The following RASA2 variants were observed in gnomAD, a reference collection of about 807,000 sequenced individuals.
The protein encoded by RASA2 is RAS p21 protein activator 2, also known as ras GTPase-activating protein 2.
A neutral mutation model predicts 118.2 loss-of-function variants in RASA2; 155 were observed. The ratio of observed to expected loss-of-function variants is 1.31; its 90% confidence interval spans 1.15 to 1.50. RASA2 has a LOEUF of 1.50. Ranked by LOEUF, RASA2 falls within the 40% of genes most tolerant of loss-of-function variation. The probability of loss-of-function intolerance (pLI) is 0.00; values close to 1 mark genes in which losing one functional copy is unlikely to be tolerated. For synonymous variants in RASA2, 353 were observed against 349.1 expected (o/e 1.01, Z -0.12); for missense variants, 1,016 against 1,009.6 (o/e 1.01, Z -0.09).
In RASA2 at chr3:141,499,577, A is replaced by G. The variant is rs373001030; in HGVS notation, c.133+12361A>G. Among the ~76,000 whole-genome samples, 4 of 152,278 alleles carry G rather than the reference A, an allele frequency of 2.6e-5. No individual in the cohort carries two copies. In the East Asian group the frequency reaches 7.7e-4, roughly 29 times the overall value. ...TAGTGCCTTGTTCTTAGGCAGAACC[A>G]GATTTCTGGTAGGAGTTATTTAATG... is the stretch of plus-strand genomic sequence containing the variant. On this transcript the variant is annotated intron_variant, in intron 1 of 23. Transcript: ENST00000286364.
intron 9 of RASA2, among the ~76,000 whole-genome samples, chr3:141,567,487 G>T (rs913402748): frequency 1.3e-5 from 2 of 152,056 alleles, no homozygotes; most frequent in East Asian, 3.9e-4. Flanking sequence ...TTCTCAAACA[G>T]TATAGGGGAA....
chr3:141,494,416 T>G (rs2081674988), intron 1 of RASA2, among the ~76,000 whole-genome samples: 1 of 152,252 alleles, frequency 6.6e-6, no homozygotes, highest in African/African-American at 2.4e-5. Flanking sequence ...TGAGGATTGC[T>G]CTGTCACCAG....
chr3:141,528,728 A>G (rs921053453), intron 3 of RASA2, among the ~76,000 whole-genome samples: 2 of 151,944 alleles, frequency 1.3e-5, no homozygotes, highest in Non-Finnish European at 1.5e-5. Context: ...TTGATATACA[A>G]AAGTTGACGT....
intron 19 of RASA2, among the ~76,000 whole-genome samples, chr3:141,603,914 G>C (rs147639452): frequency 6.6e-6 from 1 of 152,308 alleles, no homozygotes; most frequent in African/African-American, 2.4e-5. Context: ...GCATGAATCA[G>C]TACTTTATTT....
chr3:141,549,232 A>G (rs192258454), intron 5 of RASA2, among the ~76,000 whole-genome samples: 182 of 152,238 alleles, frequency 1.2e-3, no homozygotes, highest in African/African-American at 3.8e-3. Context: ...TATTTCCTCT[A>G]CTTAATGAGT....
At chr3:141,557,102 C>T (rs747935386) in intron 7 of RASA2, among the ~76,000 whole-genome samples, 3 of 152,220 alleles carry the variant, frequency 2.0e-5, no homozygotes, top group Non-Finnish European at 4.4e-5. Context: ...ATGGAATCTA[C>T]TCTGCTTCAT....
At chr3:141,570,174 C>T (rs2082894725) in intron 9 of RASA2, among the ~76,000 whole-genome samples, 1 of 143,852 alleles carries the variant, frequency 7.0e-6, no homozygotes, top group Non-Finnish European at 1.5e-5. Flanking sequence ...AAAGAATTTA[C>T]TTTAAAACAA....
chr3:141,608,357 A>G, intron 20 of RASA2, 132 bp from the exon 21 acceptor site: 1 of 817,834 alleles, frequency 1.2e-6, no homozygotes. Context: ...AAACATAATA[A>G]TTTCTAAGAC....
At chr3:141,543,841 ATTTCT>A (rs1244371015) in intron 5 of RASA2, among the ~76,000 whole-genome samples, 1 of 133,246 alleles carries the variant, frequency 7.5e-6, no homozygotes, top group Non-Finnish European at 1.7e-5. Context: ...TTGCCTTTAG[ATTTCT>A]TTTCTTTTTT....
chr3:141,519,490 G>A (rs1267434458), intron 3 of RASA2, among the ~76,000 whole-genome samples: 3 of 152,030 alleles, frequency 2.0e-5, no homozygotes, highest in African/African-American at 4.8e-5. Flanking sequence ...TTTTAGATAT[G>A]TTAACTTTTG....
chr3:141,512,561 A>G (rs1430096554), intron 2 of RASA2, among the ~76,000 whole-genome samples: 5 of 152,234 alleles, frequency 3.3e-5, no homozygotes, highest in Non-Finnish European at 7.3e-5. Context: ...AAGTTACTTA[A>G]AGTTCATAGA....
chr3:141,505,745 T>C (rs2081855715), intron 1 of RASA2, among the ~76,000 whole-genome samples: 1 of 151,216 alleles, frequency 6.6e-6, no homozygotes, highest in Non-Finnish European at 1.5e-5. Context: ...GGATGTTTTA[T>C]TTATATTTAT....
intron 1 of RASA2, among the ~76,000 whole-genome samples, chr3:141,506,176 T>A (rs574315638): frequency 5.9e-4 from 90 of 152,352 alleles, no homozygotes; most frequent in African/African-American, 2.1e-3. Context: ...TGTTACAGAA[T>A]AAAATAAATT....
chr3:141,498,203 T>A (rs1487019862), intron 1 of RASA2, among the ~76,000 whole-genome samples: 2 of 152,202 alleles, frequency 1.3e-5, no homozygotes, highest in Non-Finnish European at 2.9e-5. Flanking sequence ...AGATTGTTAT[T>A]CCTATTTTAG....
At chr3:141,610,110 T>C (rs1394620629) in intron 23 of RASA2, 44 bp downstream of exon 23, 4 of 1,469,374 alleles carry the variant, frequency 2.7e-6, no homozygotes, top group Non-Finnish European at 3.7e-6. Flanking sequence ...TTAAACGGAG[T>C]TTGAGATTGC....
intron 8 of RASA2, 88 bp downstream of exon 8, chr3:141,559,050 T>C: frequency 5.6e-6 from 6 of 1,068,900 alleles, no homozygotes; most frequent in Non-Finnish European, 8.3e-6. Context: ...CCAACTTTAA[T>C]AGAATTCTCT....
At chr3:141,593,745 AG>A (rs1049044881) in intron 19 of RASA2, among the ~76,000 whole-genome samples, 14 of 152,366 alleles carry the variant, frequency 9.2e-5, no homozygotes, top group African/African-American at 3.4e-4. Context: ...GTGGCGCAGT[AG>A]TAAAGACTAT....
At chr3:141,595,669 C>G (rs1361156151) in intron 19 of RASA2, among the ~76,000 whole-genome samples, 1 of 151,068 alleles carries the variant, frequency 6.6e-6, no homozygotes, top group East Asian at 1.9e-4. Flanking sequence ...GGGTCTTGCT[C>G]TGTCTCCCAA....
intron 5 of RASA2, among the ~76,000 whole-genome samples, chr3:141,546,965 C>T (rs1371255225): frequency 1.3e-5 from 2 of 152,058 alleles, no homozygotes; most frequent in Non-Finnish European, 2.9e-5. Flanking sequence ...GTCCTTTCCC[C>T]AGTGTATGTT....
Sources: gnomAD v4.1 joint callset for allele counts (sites outside exome capture counted in the v4.1 genomes callset) on GRCh38, gnomAD v4.1.1 for gene constraint, MANE v1.5 for transcripts, NCBI Gene and HGNC (gene_info 2026-07-23, HGNC 2026-07-21) for gene names.